The following ACSBG1 variants were observed in gnomAD, a reference collection of about 807,000 sequenced individuals.
ACSBG1 encodes the protein acyl-CoA synthetase bubblegum family member 1, also known as long-chain-fatty-acid--CoA ligase ACSBG1.
ACSBG1 carries 39 observed loss-of-function variants against 80.2 expected under a neutral mutation model. The observed-to-expected ratio is 0.49, with a 90% CI of 0.38 to 0.64. ACSBG1 has a LOEUF of 0.64. Among genes scored for constraint, ACSBG1 ranks in the 30% least tolerant of loss-of-function variants. The probability of loss-of-function intolerance (pLI) is 0.00; values close to 1 mark genes in which losing one functional copy is unlikely to be tolerated. For missense variants in ACSBG1, 828 were observed against 966.4 expected, an observed-to-expected ratio of 0.86 and a Z score of 1.90; for synonymous variants, 392 against 379.5, an observed-to-expected ratio of 1.03 and a Z score of -0.38.
At chr15:78,231,114 T>G (rs954651812) in intron 1 of ACSBG1, among the ~76,000 whole-genome samples, 2 of 152,152 alleles carry the variant, frequency 1.3e-5, no homozygotes, top group African/African-American at 4.8e-5. Context: ...CCACCACATC[T>G]GGCTAATTTT....
chr15:78,193,096 C>T (rs1363361253), intron 5 of ACSBG1, among the ~76,000 whole-genome samples: 1 of 152,202 alleles, frequency 6.6e-6, no homozygotes, highest in Non-Finnish European at 1.5e-5. Flanking sequence ...CACCACCCCC[C>T]ATCACCCTGT....
In ACSBG1 at chr15:78,234,551, T is replaced by C; in HGVS notation, c.-50A>G. The stretch of plus-strand genomic sequence containing the variant: ...AGCTCAGTCACCCACTGAGAGAGGC[T>C]AGCCTTGAGTGAGCAGTGGGGGTGG... On this transcript the variant is annotated 5_prime_UTR_variant, in exon 1 of 14. Transcript: ENST00000258873. 6.3e-7 allele frequency: 1 copy of C among 1,589,494 alleles called. No homozygotes were observed. Among genetic ancestry groups the C allele is most frequent in the Non-Finnish European group, 8.5e-7 (1 of 1,171,388 alleles).
chr15:78,174,875 C>A, intron 11 of ACSBG1: 1 of 341,604 alleles, frequency 2.9e-6, no homozygotes. Context: ...ACTACCATCC[C>A]TGTCACTCAC....
intron 5 of ACSBG1, among the ~76,000 whole-genome samples, chr15:78,185,376 T>C (rs2074991275): frequency 6.6e-6 from 1 of 152,132 alleles, no homozygotes; most frequent in Non-Finnish European, 1.5e-5. Context: ...CATCAGGCAT[T>C]AAGCAGAGCC....
intron 2 of ACSBG1, among the ~76,000 whole-genome samples, chr15:78,199,363 G>A (rs1159483495): frequency 1.3e-5 from 2 of 151,608 alleles, no homozygotes; most frequent in Non-Finnish European, 2.9e-5. Flanking sequence ...AGGATTACAG[G>A]CATGAGCCAC....
chr15:78,215,302 T>A (rs2075298522), intron 1 of ACSBG1, among the ~76,000 whole-genome samples: 1 of 150,424 alleles, frequency 6.6e-6, no homozygotes, highest in Non-Finnish European at 1.5e-5. Context: ...AAAAGAAATG[T>A]CCTCAAATGT....
intron 1 of ACSBG1, 30 bp from the exon 2 acceptor site, chr15:78,208,132 T>C (rs1341930104): frequency 1.9e-6 from 3 of 1,583,440 alleles, no homozygotes; most frequent in Non-Finnish European, 2.6e-6. Flanking sequence ...AGGAAAAACA[T>C]TCATTAGAAC....
intron 2 of ACSBG1, among the ~76,000 whole-genome samples, chr15:78,198,580 T>G (rs1478989914): frequency 6.6e-6 from 1 of 152,008 alleles, no homozygotes; most frequent in African/African-American, 2.4e-5. Context: ...ACTCCTGACC[T>G]CAGGTGATCT....
chr15:78,223,421 G>A (rs1386025012), intron 1 of ACSBG1, among the ~76,000 whole-genome samples: 1 of 152,022 alleles, frequency 6.6e-6, no homozygotes, highest in East Asian at 1.9e-4. Flanking sequence ...TCCTGCACAT[G>A]TACCACAAAA....
At chr15:78,213,097 G>T (rs1430717123) in intron 1 of ACSBG1, among the ~76,000 whole-genome samples, 1 of 152,190 alleles carries the variant, frequency 6.6e-6, no homozygotes, top group African/African-American at 2.4e-5. Flanking sequence ...TCCATGGAAG[G>T]TGTTGCCTAA....
At chr15:78,188,484 T>A (rs1332009998) in intron 5 of ACSBG1, among the ~76,000 whole-genome samples, 1 of 149,350 alleles carries the variant, frequency 6.7e-6, no homozygotes, top group Non-Finnish European at 1.5e-5. Context: ...GAGATATAGA[T>A]CAATGGAACA....
At chr15:78,224,329 G>C (rs1464315843) in intron 1 of ACSBG1, among the ~76,000 whole-genome samples, 1 of 152,188 alleles carries the variant, frequency 6.6e-6, no homozygotes, top group Non-Finnish European at 1.5e-5. Flanking sequence ...GCAACAATAA[G>C]TGACTGTTAT....
Position 78,225,438 on chromosome 15 carries a change from T to TAAATAA in ACSBG1, c.131+8932_131+8933insTTATTT, listed in dbSNP as rs1555434754. Among the ~76,000 whole-genome samples, 675 of 131,222 alleles carry TAAATAA rather than the reference T, an allele frequency of 5.1e-3. 5 individuals are homozygous for TAAATAA. Among genetic ancestry groups the TAAATAA allele is most frequent in the African/African-American group, 0.017 (638 of 37,712 alleles). The allele number at this position is 131,222 out of a possible 152,430, so 86.1% of individuals were successfully genotyped here. A position where few individuals can be genotyped will look rare whatever the true frequency, so the allele number is the denominator to read the frequency against. On this transcript the variant is annotated intron_variant, in intron 1 of 13. Transcript: ENST00000258873. Reference sequence around the variant, plus strand: ...AAATAAATAAATAAATAAATAAAAATAAATTAAAAAATAAAATAAATTACA... The same window carrying TAAATAA: ...AAATAAATAAATAAATAAATAAAAATAAATAAAAATTAAAAAATAAAATAAATTACA...
At chr15:78,207,015 G>A (rs886607424) in intron 2 of ACSBG1, among the ~76,000 whole-genome samples, 1 of 152,242 alleles carries the variant, frequency 6.6e-6, no homozygotes, top group African/African-American at 2.4e-5. Context: ...CCAGAGAAGG[G>A]ATTATAAAGT....
At chr15:78,198,325 G>A (rs1595891398) in intron 2 of ACSBG1, among the ~76,000 whole-genome samples, 1 of 151,776 alleles carries the variant, frequency 6.6e-6, no homozygotes, top group East Asian at 1.9e-4. Flanking sequence ...ACAGGCGTGA[G>A]CCACCGTGCC....
chr15:78,173,509 G>A, intron 13 of ACSBG1, 84 bp downstream of exon 13: 1 of 1,542,296 alleles, frequency 6.5e-7, no homozygotes, highest in Non-Finnish European at 8.7e-7. Flanking sequence ...TGCCGTGGCT[G>A]CTTCCTAACA....
At chr15:78,207,917 T>TCCCCCCCACCCCCCC in intron 2 of ACSBG1, 85 bp downstream of exon 2, 4 of 876,066 alleles carry the variant, frequency 4.6e-6, no homozygotes, top group Middle Eastern at 3.1e-4. Context: ...TGTGTGGTGG[T>TCCCCCCCACCCCCCC]CCCCCACACC....
At position 78,179,777 on chromosome 15, in the gene ACSBG1, G is replaced by A; in HGVS notation, c.1257C>T (p.Asp419=). 6.2e-7 allele frequency: 1 copy of A among 1,611,576 alleles called. No homozygotes were observed. The highest frequency in any genetic ancestry group is 2.2e-5 in the East Asian group (1 of 44,808). ...LEQNLTCPGS[D]LKPFTTRLAD... is the part of the protein sequence containing the mutation. ...CCAGTCTGGTTGTGAAGGGCTTCAG[G>A]TCGCTGGTGGGAGAGGGAGAATGGT... is the stretch of plus-strand genomic sequence containing the variant. The change falls in exon 10 of 14, where the codon GAC becomes GAT. Residue 419 remains aspartate (D), a synonymous_variant. Coordinates refer to ENST00000258873, the MANE Select transcript of ACSBG1 (RefSeq NM_015162.5).
At chr15:78,234,303 A>C in intron 1 of ACSBG1, 68 bp downstream of exon 1, 1 of 1,567,920 alleles carries the variant, frequency 6.4e-7, no homozygotes, top group Admixed American at 1.8e-5. Context: ...GCCCAAGTTC[A>C]CACAGCAGAG....
Sources: allele counts gnomAD v4.1 joint callset (sites outside exome capture counted in the v4.1 genomes callset), GRCh38; gene constraint gnomAD v4.1.1; transcripts MANE v1.5; gene names NCBI Gene and HGNC (gene_info 2026-07-23, HGNC 2026-07-21).